The following ME3 variants were observed in gnomAD, a reference collection of about 807,000 sequenced individuals.
ME3 encodes the protein malic enzyme 3.
ME3 carries 48 observed loss-of-function variants against 68.9 expected under a neutral mutation model. The observed-to-expected ratio is 0.70, with a 90% confidence interval of 0.55 to 0.89. The LOEUF is 0.89. Ranked by LOEUF, ME3 falls within the 40% of genes least tolerant of loss-of-function variation. The pLI is 0.00. For missense variants in ME3, 675 were observed against 797.4 expected, an observed-to-expected ratio of 0.85 and a Z score of 1.85; for synonymous variants, 320 against 318.8, an observed-to-expected ratio of 1.00 and a Z score of -0.04.
At chr11:86,443,600 G>C (rs1214888025) in intron 13 of ME3, among the ~76,000 whole-genome samples, 1 of 152,224 alleles carries the variant, frequency 6.6e-6, no homozygotes, top group African/African-American at 2.4e-5. Context: ...TTAATGTGGT[G>C]GTTCTGAATC....
chr11:86,487,546 GA>G (rs1341698327), intron 6 of ME3, 106 bp from the exon 7 acceptor site: 168 of 870,558 alleles, frequency 1.9e-4, no homozygotes, highest in African/African-American at 9.6e-4. Context: ...GGTGGGAGGA[GA>G]GGGGGGAGTA....
At chr11:86,591,939 G>C (rs772397808) in intron 2 of ME3, among the ~76,000 whole-genome samples, 15 of 152,108 alleles carry the variant, frequency 9.9e-5, no homozygotes, top group Non-Finnish European at 1.8e-4. Flanking sequence ...GACATCTAGA[G>C]TCCAGAACTG....
At chr11:86,451,855 A>G (rs747049894) in intron 8 of ME3, among the ~76,000 whole-genome samples, 2 of 152,354 alleles carry the variant, frequency 1.3e-5, no homozygotes, top group East Asian at 1.9e-4. Context: ...ATGGGCAGCA[A>G]TATGCTCATG....
At chr11:86,607,724 T>C (rs1248094447) in intron 2 of ME3, among the ~76,000 whole-genome samples, 1 of 150,432 alleles carries the variant, frequency 6.6e-6, no homozygotes, top group Non-Finnish European at 1.5e-5. Flanking sequence ...TATATATATA[T>C]ATATATTATA....
chr11:86,597,224 C>T (rs1311947672), intron 2 of ME3, among the ~76,000 whole-genome samples: 1 of 152,216 alleles, frequency 6.6e-6, no homozygotes, highest in African/African-American at 2.4e-5. Context: ...CCCCAGGGAC[C>T]TGGAATGAAA....
At chr11:86,462,514 C>T (rs1950271131) in intron 8 of ME3, 2 of 1,158,508 alleles carry the variant, frequency 1.7e-6, no homozygotes, top group Non-Finnish European at 2.2e-6. Context: ...TGAATGATGA[C>T]CTGGATAACA....
At chr11:86,596,642 G>T (rs1303008631) in intron 2 of ME3, among the ~76,000 whole-genome samples, 1 of 152,168 alleles carries the variant, frequency 6.6e-6, no homozygotes, top group Non-Finnish European at 1.5e-5. Context: ...AGGTGTTAGG[G>T]CTGGAAGGGA....
intron 2 of ME3, among the ~76,000 whole-genome samples, chr11:86,641,137 A>T (rs955384219): frequency 2.4e-4 from 36 of 152,290 alleles, no homozygotes; most frequent in African/African-American, 8.7e-4. Flanking sequence ...CCCTTATGCA[A>T]TTCTCTGGGC....
At chr11:86,508,670 A>G in intron 5 of ME3, 122 bp downstream of exon 5, 1 of 853,796 alleles carries the variant, frequency 1.2e-6, no homozygotes, top group Non-Finnish European at 1.9e-6. Context: ...TGGCTTAGGA[A>G]TGGGAGGTAG....
At chr11:86,573,318 A>G (rs1309002738) in intron 2 of ME3, among the ~76,000 whole-genome samples, 1 of 151,992 alleles carries the variant, frequency 6.6e-6, no homozygotes, top group Non-Finnish European at 1.5e-5. Context: ...CTTTGGTTGC[A>G]ATTGCTTTTA....
intron 2 of ME3, among the ~76,000 whole-genome samples, chr11:86,602,659 C>A (rs1356067218): frequency 6.6e-6 from 1 of 152,114 alleles, no homozygotes; most frequent in East Asian, 1.9e-4. Context: ...CAATCCTAAG[C>A]CAAAAGAACA....
intron 2 of ME3, among the ~76,000 whole-genome samples, chr11:86,627,525 C>A (rs1194283876): frequency 6.6e-6 from 1 of 151,914 alleles, no homozygotes; most frequent in South Asian, 2.1e-4. Context: ...CTTGTTTTGC[C>A]CAAGACTGTG....
At chr11:86,438,155 A>G (rs1167639311), downstream of ME3, among the ~76,000 whole-genome samples, 5 of 151,214 alleles carry the variant, frequency 3.3e-5, no homozygotes, top group Non-Finnish European at 5.9e-5. Context: ...GTTCTTTTCT[A>G]TTTCTACTTT....
At chr11:86,649,878 T>G (rs1047952296) in intron 2 of ME3, among the ~76,000 whole-genome samples, 3 of 152,200 alleles carry the variant, frequency 2.0e-5, no homozygotes, top group African/African-American at 7.2e-5. Flanking sequence ...AAAATGGTCA[T>G]ATTGCCCAAT....
chr11:86,558,397 G>A (rs926342426), intron 3 of ME3, among the ~76,000 whole-genome samples: 1 of 152,196 alleles, frequency 6.6e-6, no homozygotes, highest in African/African-American at 2.4e-5. Flanking sequence ...TATTTGGCCT[G>A]ACTACAGTAT....
intron 2 of ME3, among the ~76,000 whole-genome samples, chr11:86,601,117 G>A (rs1960568459): frequency 6.6e-6 from 1 of 151,426 alleles, no homozygotes. Flanking sequence ...CAGAACTGAA[G>A]GAAATAGAGA....
At chr11:86,463,615 C>T (rs777928097) in intron 8 of ME3, among the ~76,000 whole-genome samples, 1 of 152,114 alleles carries the variant, frequency 6.6e-6, no homozygotes, top group African/African-American at 2.4e-5. Context: ...TTTGGGTCTC[C>T]CCTCCCTCTG....
chr11:86,494,064 A>AAAG (rs1952165220), intron 6 of ME3, among the ~76,000 whole-genome samples: 1 of 151,492 alleles, frequency 6.6e-6, no homozygotes, highest in African/African-American at 2.4e-5. Context: ...AAAAAAAAAA[A>AAAG]GGAACTGTAG....
At chr11:86,587,891 T>C (rs1958831865) in intron 2 of ME3, among the ~76,000 whole-genome samples, 1 of 152,218 alleles carries the variant, frequency 6.6e-6, no homozygotes, top group Admixed American at 6.5e-5. Context: ...CAAATATAAA[T>C]AAGAGTTCTG....
Sources: allele counts gnomAD v4.1 joint callset (sites outside exome capture counted in the v4.1 genomes callset), GRCh38; gene constraint gnomAD v4.1.1; transcripts MANE v1.5; gene names NCBI Gene and HGNC (gene_info 2026-07-23, HGNC 2026-07-21).